Variants in ARL10 observed in about 807,000 individuals in gnomAD.
ARL10 encodes the protein ADP-ribosylation factor-like protein 10.
Under a neutral mutation model 26.1 loss-of-function variants are expected in ARL10, and 23 were observed. The ratio of observed to expected loss-of-function variants is 0.88; its 90% CI spans 0.63 to 1.25. The LOEUF (loss-of-function observed/expected upper bound fraction) is 1.25. ARL10 is among the 50% of genes most tolerant of loss of function. The probability of loss-of-function intolerance (pLI) is 0.00; values close to 1 mark genes in which losing one functional copy is unlikely to be tolerated. For missense variants in ARL10, 300 were observed against 323.6 expected, an observed-to-expected ratio of 0.93 and a Z score of 0.56; for synonymous variants, 138 against 149.1, an observed-to-expected ratio of 0.93 and a Z score of 0.54.
At chr5:176,396,465 A>G in intron 1 of ARL10, 1 of 1,612,462 alleles carries the variant, frequency 6.2e-7, no homozygotes, top group South Asian at 1.1e-5. Flanking sequence ...CAGAGAAGCA[A>G]AACAGACACG....
chr5:176,365,807 T>C (rs1262467069), intron 1 of ARL10, 61 bp downstream of exon 1: 26 of 1,229,038 alleles, frequency 2.1e-5, no homozygotes, highest in East Asian at 3.2e-5. Context: ...TCCGCGCATG[T>C]GGCCAAGGGG....
chr5:176,387,920 T>C (rs140054170), intron 1 of ARL10, among the ~76,000 whole-genome samples: 1 of 152,234 alleles, frequency 6.6e-6, no homozygotes, highest in African/African-American at 2.4e-5. Context: ...CTCCAACTCT[T>C]AGGGAGTACT....
At chr5:176,414,066 T>C in the ARL10 span, among the ~76,000 whole-genome samples, 1 of 152,188 alleles carries the variant, frequency 6.6e-6, no homozygotes, top group Admixed American at 6.5e-5. Flanking sequence ...CTCAGCTCCC[T>C]CAGGCATCTG....
At chr5:176,410,139 A>G in the ARL10 span, 1 of 867,176 alleles carries the variant, frequency 1.2e-6, no homozygotes, top group East Asian at 2.5e-5. Flanking sequence ...TTCCACCCCA[A>G]TGCATCAGAC....
Position 176,366,431 on chromosome 5 carries a change from G to A in ARL10, c.235G>A (p.Glu79Lys), listed in dbSNP as rs745473941. The change falls in exon 2 of 4, where the codon GAG (glutamate) becomes AAG (lysine). Residue 79 changes from glutamate (E) to lysine (K), a missense_variant. Physicochemically the swap from Glu to Lys is moderately conservative, Grantham distance 56. Transcript: ENST00000310389. ...EPALEELEQR[E>K]VLVLGLDGAG... ...GGCGCTGGAGGAGCTGGAACAGCGCGAGGTGCTGGTGCTGGGGCTGGATGG... is the reference window on the plus strand; with the variant it reads ...GGCGCTGGAGGAGCTGGAACAGCGCAAGGTGCTGGTGCTGGGGCTGGATGG... The A allele has an allele frequency of 6.2e-7, 1 of 1,613,154 alleles. No homozygotes were observed. Among genetic ancestry groups the A allele is most frequent in the Non-Finnish European group, 8.5e-7 (1 of 1,179,918 alleles).
chr5:176,395,085 C>A (rs898399870), intron 1 of ARL10, among the ~76,000 whole-genome samples: 3 of 149,624 alleles, frequency 2.0e-5, no homozygotes, highest in Non-Finnish European at 4.4e-5. Context: ...CAGCTCCCAC[C>A]CATCCCCACC....
downstream of ARL10, chr5:176,389,023 G>A (rs767376978): frequency 2.5e-6 from 4 of 1,603,604 alleles, no homozygotes; most frequent in South Asian, 3.3e-5. Context: ...TGATGTCGGA[G>A]GGAAGGAAGT....
chr5:176,406,210 G>A (rs1261519828), downstream of ARL10: 10 of 1,000,858 alleles, frequency 1.0e-5, no homozygotes, highest in African/African-American at 7.0e-5. Context: ...GCAACCAGGA[G>A]AGATCACCAG....
downstream of ARL10, chr5:176,385,275 C>G: frequency 6.2e-7 from 1 of 1,613,584 alleles, no homozygotes; most frequent in Non-Finnish European, 8.5e-7. Context: ...CAATGAGGTC[C>G]CGAGACAGAG....
chr5:176,406,721 G>C (rs766839366), downstream of ARL10: 55 of 1,281,358 alleles, frequency 4.3e-5, no homozygotes, highest in Middle Eastern at 2.3e-4. Context: ...GCAGAAAAGA[G>C]GAAGAAAGGA....
Position 176,375,849 on chromosome 5 carries a change from G to A in ARL10, c.*3954G>A, listed in dbSNP as rs1768683868. 6.6e-6 allele frequency: 1 copy of A among 152,136 alleles called. No individual in the cohort carries two copies. The highest frequency in any genetic ancestry group is 2.1e-4 in the South Asian group (1 of 4,832). 9.4% of individuals were successfully genotyped at this position (152,136 alleles called of 1,614,324 possible). On this transcript the variant is annotated 3_prime_UTR_variant, in exon 4 of 4. Coordinates refer to ENST00000310389, the MANE Select transcript of ARL10 (RefSeq NM_173664.6). Reference sequence around the variant, plus strand: ...ACAGCCAGTGAGAAGGAACCCTACTGGATTTAACCCAGTGACATTATATAA... The same window carrying A: ...ACAGCCAGTGAGAAGGAACCCTACTAGATTTAACCCAGTGACATTATATAA...
At chr5:176,369,080 G>A (rs749466815) in intron 3 of ARL10, 98 bp downstream of exon 3, 1 of 1,548,380 alleles carries the variant, frequency 6.5e-7, no homozygotes, top group African/African-American at 1.4e-5. Flanking sequence ...GCCTGGAGAG[G>A]GTGGCTGAGA....
rs1232990219 is a variant in ARL10 at position 176,380,995 on chromosome 5, T to G, written c.*9100T>G. ...GTTGCCCAGGCTGGTCTCAAACTTG[T>G]GAGCTCAAGAGATCTTCCTGCCTCA... On this transcript the variant is annotated 3_prime_UTR_variant, in exon 4 of 4. Coordinates refer to ENST00000310389, the MANE Select transcript of ARL10 (RefSeq NM_173664.6). 2 of 151,760 alleles carry G rather than the reference T, an allele frequency of 1.3e-5. No individual in the cohort carries two copies. The highest frequency in any genetic ancestry group is 2.9e-5 in the Non-Finnish European group (2 of 68,010). The allele number at this position is 151,760 out of a possible 1,614,324, so 9.4% of individuals were successfully genotyped here.
In ARL10 at chr5:176,380,215, A is replaced by G. The variant is rs1755517503; in HGVS notation, c.*8320A>G. On this transcript the variant is annotated 3_prime_UTR_variant, in exon 4 of 4. Transcript: ENST00000310389. ...GGAGCAATCCAGGTTCATGTGCTGC[A>G]TGAGCCTTTCATTTGCGTTTTGTAA... 6.6e-6 allele frequency: 1 copy of G among 152,252 alleles called. No individual in the cohort carries two copies. The highest frequency in any genetic ancestry group is 2.4e-5 in the African/African-American group (1 of 41,460). The allele number at this position is 152,252 out of a possible 1,614,324, so 9.4% of individuals were successfully genotyped here.
chr5:176,384,076 A>G (rs768541101), downstream of ARL10: 3 of 1,587,064 alleles, frequency 1.9e-6, no homozygotes, highest in Admixed American at 1.7e-5. Flanking sequence ...CCTTCCCCAG[A>G]GCGGGGAGTG....
At chr5:176,396,632 G>T in intron 1 of ARL10, 1 of 820,444 alleles carries the variant, frequency 1.2e-6, no homozygotes, top group Non-Finnish European at 2.1e-6. Flanking sequence ...GACAGCATTA[G>T]TACCTCCAGT....
chr5:176,383,776 A>T (rs1755614651), downstream of ARL10, among the ~76,000 whole-genome samples: 1 of 152,180 alleles, frequency 6.6e-6, no homozygotes, highest in South Asian at 2.1e-4. Context: ...GCTGTGCGGG[A>T]AATGGGCAGA....
At chr5:176,367,714 C>G (rs1054644405) in intron 2 of ARL10, among the ~76,000 whole-genome samples, 1 of 152,258 alleles carries the variant, frequency 6.6e-6, no homozygotes, top group African/African-American at 2.4e-5. Flanking sequence ...CTTCCCATGG[C>G]TGGCTCCTTC....
At chr5:176,395,433 G>A (rs1323717501) in intron 1 of ARL10, among the ~76,000 whole-genome samples, 1 of 152,200 alleles carries the variant, frequency 6.6e-6, no homozygotes, top group African/African-American at 2.4e-5. Context: ...AGTACTAAAT[G>A]AGGGAGAGTG....
Sources: allele counts gnomAD v4.1 joint callset (sites outside exome capture counted in the v4.1 genomes callset), GRCh38; gene constraint gnomAD v4.1.1; transcripts MANE v1.5; gene names NCBI Gene and HGNC (gene_info 2026-07-23, HGNC 2026-07-21).